Variants in ACSS3 observed in about 807,000 individuals in gnomAD.
ACSS3 encodes the protein acyl-CoA synthetase short-chain family member 3, mitochondrial.
A neutral mutation model predicts 84.2 loss-of-function variants in ACSS3; 64 were observed. The ratio of observed to expected loss-of-function variants is 0.76; its 90% CI spans 0.62 to 0.94. ACSS3 has a LOEUF of 0.94. ACSS3 is among the 40% of genes least tolerant of loss of function. ACSS3 has a pLI of 0.00. For synonymous variants in ACSS3, 317 were observed against 310.1 expected (o/e 1.02, Z -0.23); for missense variants, 815 against 867.6 (o/e 0.94, Z 0.76).
intron 5 of ACSS3, among the ~76,000 whole-genome samples, chr12:81,148,497 AC>A (rs1174285012): frequency 6.6e-6 from 1 of 152,124 alleles, no homozygotes; most frequent in Non-Finnish European, 1.5e-5. Context: ...TTTTTTAAAC[AC>A]CATAAACATT....
chr12:81,220,194 G>C, intron 11 of ACSS3, 118 bp downstream of exon 11: 1 of 498,270 alleles, frequency 2.0e-6, no homozygotes, highest in Non-Finnish European at 3.5e-6. Context: ...GAACTTGTGT[G>C]TTGCTTAAGA....
intron 13 of ACSS3, among the ~76,000 whole-genome samples, chr12:81,252,777 C>T (rs2034193280): frequency 6.6e-6 from 1 of 152,070 alleles, no homozygotes; most frequent in African/African-American, 2.4e-5. Context: ...TATCCAGCCT[C>T]TTGCAAGTCC....
chr12:81,233,697 A>AT (rs1182301817), intron 13 of ACSS3, among the ~76,000 whole-genome samples: 2 of 151,692 alleles, frequency 1.3e-5, no homozygotes, highest in Non-Finnish European at 3.0e-5. Flanking sequence ...ACTTACATAT[A>AT]TTTTTTGTTT....
chr12:81,221,948 C>T (rs2033124140), intron 11 of ACSS3, among the ~76,000 whole-genome samples: 2 of 152,078 alleles, frequency 1.3e-5, no homozygotes, highest in Admixed American at 6.6e-5. Flanking sequence ...CAGTTTTAAA[C>T]TCCTCATGGG....
intron 13 of ACSS3, among the ~76,000 whole-genome samples, chr12:81,237,497 T>C (rs1231913360): frequency 6.6e-6 from 1 of 151,674 alleles, no homozygotes; most frequent in Non-Finnish European, 1.5e-5. Context: ...GGGATTGTCT[T>C]TTTTTCTTAA....
At chr12:81,101,753 T>C (rs1882527436) in intron 1 of ACSS3, among the ~76,000 whole-genome samples, 1 of 152,100 alleles carries the variant, frequency 6.6e-6, no homozygotes. Flanking sequence ...CTATGTATGA[T>C]TTTTTTAATA....
chr12:81,187,516 G>A (rs986720356), intron 8 of ACSS3, among the ~76,000 whole-genome samples: 3 of 151,882 alleles, frequency 2.0e-5, no homozygotes, highest in African/African-American at 7.2e-5. Context: ...ATGTCTGGCT[G>A]TCTTTGAGTT....
intron 8 of ACSS3, among the ~76,000 whole-genome samples, chr12:81,195,832 C>T (rs1432259979): frequency 1.3e-5 from 2 of 151,948 alleles, no homozygotes; most frequent in Non-Finnish European, 2.9e-5. Flanking sequence ...TCAGGACACG[C>T]GAATTTTACC....
At chr12:81,221,446 T>A (rs923805363) in intron 11 of ACSS3, among the ~76,000 whole-genome samples, 16 of 152,212 alleles carry the variant, frequency 1.1e-4, no homozygotes, top group African/African-American at 3.9e-4. Context: ...CTATGAAAAT[T>A]ACATGGAAAA....
Position 81,145,167 on chromosome 12 carries a change from C to T in ACSS3, c.921+1920C>T, listed in dbSNP as rs554548234. ...TCCTGACCTCGTGATCCACCCGCCTCGGCCTCCCAAAGTGCTGGGATTACA... is the reference window on the plus strand; with the variant it reads ...TCCTGACCTCGTGATCCACCCGCCTTGGCCTCCCAAAGTGCTGGGATTACA... On this transcript the variant is annotated intron_variant, in intron 5 of 15. Coordinates refer to ENST00000548058, the MANE Select transcript of ACSS3 (RefSeq NM_024560.4). Among the ~76,000 whole-genome samples the T allele has an allele frequency of 1.0e-3, 156 of 150,804 alleles. 1 individual carries two copies. The highest frequency in any genetic ancestry group is 1.7e-3 in the Non-Finnish European group (116 of 67,814).
intron 3 of ACSS3, among the ~76,000 whole-genome samples, chr12:81,135,726 A>G (rs1885766587): frequency 6.6e-6 from 1 of 151,990 alleles, no homozygotes; most frequent in Non-Finnish European, 1.5e-5. Context: ...TACAATGTAC[A>G]CTATTTGGGT....
chr12:81,087,330 G>T (rs1405963461), intron 1 of ACSS3, among the ~76,000 whole-genome samples: 2 of 151,996 alleles, frequency 1.3e-5, no homozygotes, highest in Admixed American at 1.3e-4. Context: ...ATCTTTCAAG[G>T]TGTCATTGCT....
At chr12:81,216,836 G>A in intron 9 of ACSS3, 65 bp from the exon 10 acceptor site, 4 of 1,377,684 alleles carry the variant, frequency 2.9e-6, no homozygotes, top group Non-Finnish European at 4.1e-6. Context: ...GAGTGTGCAT[G>A]TACTCAAGAA....
At position 81,259,490 on chromosome 12, in the gene ACSS3, T is replaced by C. The variant is rs2034645534; in HGVS notation, c.*4568T>C. The stretch of plus-strand genomic sequence containing the variant: ...GACTTAAGCATTTTATTACAATTTG[T>C]AGTAAACTAATCAAATGTAATATCT... On this transcript the variant is annotated 3_prime_UTR_variant, in exon 16 of 16. Coordinates refer to ENST00000548058, the MANE Select transcript of ACSS3 (RefSeq NM_024560.4). The C allele has an allele frequency of 1.4e-6, 1 of 727,842 alleles. No individual in the cohort carries two copies. The highest frequency in any genetic ancestry group is 1.8e-5 in the African/African-American group (1 of 56,532). The allele number at this position is 727,842 out of a possible 1,614,324, so 45.1% of individuals were successfully genotyped here.
chr12:81,192,434 A>G (rs1168872793), intron 8 of ACSS3, among the ~76,000 whole-genome samples: 2 of 152,154 alleles, frequency 1.3e-5, no homozygotes, highest in Non-Finnish European at 2.9e-5. Flanking sequence ...AAATAGCTAT[A>G]TTGAGATACC....
chr12:81,114,151 AT>A (rs1160631222), intron 2 of ACSS3, among the ~76,000 whole-genome samples: 1 of 152,080 alleles, frequency 6.6e-6, no homozygotes, highest in Non-Finnish European at 1.5e-5. Flanking sequence ...CATTTGAGCA[AT>A]TTTCATGAAT....
At chr12:81,088,054 C>T (rs1415457544) in intron 1 of ACSS3, among the ~76,000 whole-genome samples, 1 of 152,060 alleles carries the variant, frequency 6.6e-6, no homozygotes, top group Non-Finnish European at 1.5e-5. Context: ...GATTGGTCTT[C>T]CCCACATATA....
intron 10 of ACSS3, 38 bp downstream of exon 10, chr12:81,217,034 T>G (rs1593209753): frequency 6.4e-7 from 1 of 1,561,576 alleles, no homozygotes; most frequent in South Asian, 1.1e-5. Context: ...AGTTAATAAA[T>G]TTGGCATTTT....
chr12:81,255,156 T>C lies in ACSS3; in HGVS notation c.*234T>C. The C allele has an allele frequency of 2.8e-6, 1 of 362,266 alleles. No homozygotes were observed. Among genetic ancestry groups the C allele is most frequent in the Non-Finnish European group, 4.9e-6 (1 of 203,012 alleles). The allele number at this position is 362,266 out of a possible 1,614,324, so 22.4% of individuals were successfully genotyped here. On this transcript the variant is annotated 3_prime_UTR_variant, in exon 16 of 16. Coordinates refer to ENST00000548058, the MANE Select transcript of ACSS3 (RefSeq NM_024560.4). ...TATCTATAACATGGCTTATTGAATGTCATCTACTGCTTTAGGAAAAACGTA... is the reference window on the plus strand; with the variant it reads ...TATCTATAACATGGCTTATTGAATGCCATCTACTGCTTTAGGAAAAACGTA...
Sources: gnomAD v4.1 joint callset for allele counts (sites outside exome capture counted in the v4.1 genomes callset) on GRCh38, gnomAD v4.1.1 for gene constraint, MANE v1.5 for transcripts, NCBI Gene and HGNC (gene_info 2026-07-23, HGNC 2026-07-21) for gene names.